The following TAB2 variants were observed in gnomAD, a reference collection of about 807,000 sequenced individuals.
TAB2 encodes the protein TGF-beta-activated kinase 1 and MAP3K7-binding protein 2.
In TAB2, 3 loss-of-function variants were observed where a neutral mutation model predicts 65.0. That is an observed-to-expected ratio of 0.05 (90% CI 0.02 to 0.12). The LOEUF is 0.12. Ranked by LOEUF, TAB2 falls within the 10% of genes least tolerant of loss-of-function variation. The probability of loss-of-function intolerance (pLI) is 1.00; values close to 1 mark genes in which losing one functional copy is unlikely to be tolerated. For synonymous variants in TAB2, 298 were observed against 285.1 expected (o/e 1.05, Z -0.46); for missense variants, 623 against 840.3 (o/e 0.74, Z 3.20).
At position 149,346,045 on chromosome 6, in the gene TAB2, T is replaced by C. The variant is rs527874463; in HGVS notation, c.-89-23864T>C. 2.6e-5 allele frequency among the ~76,000 whole-genome samples: 4 copies of C among 152,340 alleles called. No individual in the cohort carries two copies. The South Asian group carries it at 8.3e-4, about 32-fold the overall frequency. ...ACACACTGGGATGACCATTCTTGTT[T>C]ACACCACTTTAAACACGTGTGTTTT... On this transcript the variant is annotated intron_variant, in intron 1 of 6. Coordinates refer to ENST00000637181, the MANE Select transcript of TAB2 (RefSeq NM_001292034.3).
At chr6:149,307,784 G>A (rs1480881016) in intron 1 of TAB2, among the ~76,000 whole-genome samples, 2 of 152,126 alleles carry the variant, frequency 1.3e-5, no homozygotes, top group Admixed American at 1.3e-4. Flanking sequence ...TGACATATTA[G>A]TAATCTAGTC....
At chr6:149,333,607 C>T (rs535418225) in intron 1 of TAB2, among the ~76,000 whole-genome samples, 1 of 152,118 alleles carries the variant, frequency 6.6e-6, no homozygotes, top group East Asian at 1.9e-4. Flanking sequence ...TTGAGCTTTA[C>T]AAGACAAAAA....
intron 3 of TAB2, among the ~76,000 whole-genome samples, chr6:149,389,066 C>T (rs9373591): frequency 0.12 from 18,351 of 151,332 alleles, 1,710 homozygotes; most frequent in East Asian, 0.51. Flanking sequence ...AGCAATTCCC[C>T]TGCCTCAGCC....
At chr6:149,325,794 C>T (rs1463799854) in intron 1 of TAB2, among the ~76,000 whole-genome samples, 2 of 152,200 alleles carry the variant, frequency 1.3e-5, no homozygotes, top group Non-Finnish European at 2.9e-5. Flanking sequence ...GGCTGGAATG[C>T]AGTGGCACAA....
intron 1 of TAB2, among the ~76,000 whole-genome samples, chr6:149,341,086 T>C (rs1009615555): frequency 6.6e-6 from 1 of 152,160 alleles, no homozygotes; most frequent in African/African-American, 2.4e-5. Context: ...ATTGCTTTTA[T>C]GTTTTTTTAA....
intron 1 of TAB2, among the ~76,000 whole-genome samples, chr6:149,249,338 C>T (rs147510080): frequency 6.6e-6 from 1 of 152,270 alleles, no homozygotes; most frequent in East Asian, 1.9e-4. Flanking sequence ...GCATTGGACC[C>T]TCAAAAACAT....
At chr6:149,265,629 T>C in intron 1 of TAB2, among the ~76,000 whole-genome samples, 1 of 152,210 alleles carries the variant, frequency 6.6e-6, no homozygotes, top group East Asian at 1.9e-4. Flanking sequence ...TAAAGTTTTA[T>C]GAAAAGTAGA....
intron 1 of TAB2, among the ~76,000 whole-genome samples, chr6:149,331,259 A>T (rs1779774230): frequency 6.6e-6 from 1 of 152,128 alleles, no homozygotes; most frequent in African/African-American, 2.4e-5. Flanking sequence ...AGTTTCTAGC[A>T]TAAAAATCCC....
chr6:149,276,070 C>T (rs563475188), intron 1 of TAB2, among the ~76,000 whole-genome samples: 4 of 152,010 alleles, frequency 2.6e-5, no homozygotes, highest in Non-Finnish European at 4.4e-5. Flanking sequence ...GTAACAAATA[C>T]GCCACACCAG....
chr6:149,278,244 C>T (rs947042014), intron 1 of TAB2, among the ~76,000 whole-genome samples: 6 of 152,166 alleles, frequency 3.9e-5, no homozygotes, highest in African/African-American at 1.4e-4. Context: ...AATATGAACT[C>T]TTCTTCCATG....
At chr6:149,357,620 A>C (rs1009438348) in intron 1 of TAB2, among the ~76,000 whole-genome samples, 2 of 152,198 alleles carry the variant, frequency 1.3e-5, no homozygotes, top group Non-Finnish European at 2.9e-5. Context: ...GATGAACTTA[A>C]TACTTTACAA....
Position 149,378,473 on chromosome 6 carries a change from G to T in TAB2, c.558G>T (p.Gln186His), listed in dbSNP as rs1781482522. The stretch of plus-strand genomic sequence containing the variant: ...TGGTAACTTTAGCCCCAAATATCCA[G>T]ACTGGTCGTAATACTCCTACATCTT... Reference protein sequence around the residue: ...PIMVTLAPNIQTGRNTPTSLH... With the variant: ...PIMVTLAPNIHTGRNTPTSLH... The change falls in exon 3 of 7, where the codon CAG (glutamine) becomes CAT (histidine). Residue 186 changes from glutamine to histidine, a missense_variant. By Grantham distance (24) the Gln-to-His change is conservative. Coordinates refer to ENST00000637181, the MANE Select transcript of TAB2 (RefSeq NM_001292034.3). The T allele has an allele frequency of 6.2e-7, 1 of 1,614,164 alleles. No homozygotes were observed. Among genetic ancestry groups the T allele is most frequent in the South Asian group, 1.1e-5 (1 of 91,078 alleles).
intron 2 of TAB2, among the ~76,000 whole-genome samples, chr6:149,372,678 TA>T (rs1781269387): frequency 6.6e-6 from 1 of 152,200 alleles, no homozygotes; most frequent in Non-Finnish European, 1.5e-5. Flanking sequence ...CCACACTTTT[TA>T]AAAGTGAGTT....
At chr6:149,382,926 G>A (rs1781666151) in intron 3 of TAB2, among the ~76,000 whole-genome samples, 1 of 152,154 alleles carries the variant, frequency 6.6e-6, no homozygotes, top group Admixed American at 6.5e-5. Context: ...GACCGAGGCG[G>A]GTGGATCACA....
rs79473288 is a variant in TAB2, at chr6:149,277,708, G to A, written c.-121+58932G>A. ...ATTTTTAAACTCTACCTTGTGAGAA[G>A]TGGAAGGCCATTAACTGTGCTGCAG... On this transcript the variant is annotated intron_variant, in intron 1 of 1. Transcript: ENST00000606202. 8.6e-3 allele frequency among the ~76,000 whole-genome samples: 1,302 copies of A among 152,278 alleles called. 20 individuals carry two copies. Among genetic ancestry groups the A allele is most frequent in the African/African-American group, 0.03 (1,231 of 41,550 alleles).
chr6:149,259,438 A>T (rs749067144), intron 1 of TAB2, among the ~76,000 whole-genome samples: 34 of 152,090 alleles, frequency 2.2e-4, no homozygotes, highest in Non-Finnish European at 3.7e-4. Flanking sequence ...ACTGAGAAAC[A>T]TATAGATGTT....
chr6:149,294,814 C>G (rs1433437738), intron 1 of TAB2, among the ~76,000 whole-genome samples: 1 of 152,154 alleles, frequency 6.6e-6, no homozygotes, highest in East Asian at 1.9e-4. Flanking sequence ...CACTGGCCAG[C>G]TTTGTGACTC....
chr6:149,263,113 C>A (rs544270077), intron 1 of TAB2, among the ~76,000 whole-genome samples: 1 of 152,158 alleles, frequency 6.6e-6, no homozygotes, highest in Admixed American at 6.5e-5. Context: ...CCTCTCTTCA[C>A]TCTTTCTAAG....
chr6:149,273,021 C>T (rs1778391693), intron 1 of TAB2, among the ~76,000 whole-genome samples: 1 of 152,068 alleles, frequency 6.6e-6, no homozygotes, highest in South Asian at 2.1e-4. Flanking sequence ...CCCCCACCCC[C>T]TTACCTCCCC....
Sources: gnomAD v4.1 joint callset for allele counts (sites outside exome capture counted in the v4.1 genomes callset) on GRCh38, gnomAD v4.1.1 for gene constraint, MANE v1.5 for transcripts, NCBI Gene and HGNC (gene_info 2026-07-23, HGNC 2026-07-21) for gene names.